The following VPS53 variants were observed in gnomAD, a reference collection of about 807,000 sequenced individuals.
VPS53 encodes the protein VPS53 subunit of GARP complex.
In VPS53, 70 loss-of-function variants were observed where a neutral mutation model predicts 107.0. The ratio of observed to expected loss-of-function variants is 0.65; its 90% confidence interval spans 0.54 to 0.80. The LOEUF (loss-of-function observed/expected upper bound fraction) is 0.80, where lower values mean the gene tolerates loss of function less well. Ranked by LOEUF, VPS53 falls within the 30% of genes least tolerant of loss-of-function variation. The pLI, the probability that VPS53 is intolerant of heterozygous loss-of-function variation, is 0.00. For missense variants in VPS53, 917 were observed against 1,049.4 expected, an observed-to-expected ratio of 0.87 and a Z score of 1.74; for synonymous variants, 409 against 393.3, an observed-to-expected ratio of 1.04 and a Z score of -0.47.
At chr17:641,628 T>C (rs1970426980) in intron 7 of VPS53, among the ~76,000 whole-genome samples, 1 of 152,182 alleles carries the variant, frequency 6.6e-6, no homozygotes, top group African/African-American at 2.4e-5. Context: ...CTAATTCTTG[T>C]ATTTTTTGTA....
In VPS53 at chr17:704,882, T is replaced by C. The variant is rs551393325; in HGVS notation, c.169-5502A>G. Among the ~76,000 whole-genome samples, 5 of 152,352 alleles carry C rather than the reference T, an allele frequency of 3.3e-5. No homozygotes were observed. In the East Asian group the frequency reaches 9.6e-4, roughly 29 times the overall value. On this transcript the variant is annotated intron_variant, in intron 2 of 21. Coordinates refer to ENST00000437048, the MANE Select transcript of VPS53 (RefSeq NM_001128159.3). ...TTGGTGAATCAGCAATTACTATCTT[T>C]ATCCTAGCTATTCCCAAATGTCTAT... is the stretch of plus-strand genomic sequence containing the variant.
intron 4 of VPS53, 74 bp downstream of exon 4, chr17:697,344 A>G (rs1973009653): frequency 3.2e-6 from 4 of 1,249,856 alleles, no homozygotes; most frequent in Middle Eastern, 3.7e-4. Context: ...AAGAGGGCAC[A>G]TCGACGTTTT....
intron 6 of VPS53, 72 bp from the exon 7 acceptor site, chr17:653,482 A>G: frequency 6.2e-7 from 1 of 1,600,502 alleles, no homozygotes; most frequent in South Asian, 1.1e-5. Context: ...AGAACAACCC[A>G]CGCTAGCTCT....
intron 17 of VPS53, among the ~76,000 whole-genome samples, chr17:543,421 T>C (rs1910862070): frequency 1.3e-5 from 2 of 152,144 alleles, no homozygotes; most frequent in South Asian, 4.1e-4. Context: ...TTTATTCAGT[T>C]TCTGTTTTTT....
At chr17:690,492 C>T (rs979481655) in intron 4 of VPS53, among the ~76,000 whole-genome samples, 12 of 152,332 alleles carry the variant, frequency 7.9e-5, no homozygotes, top group African/African-American at 2.6e-4. Context: ...TGCGTTCAGA[C>T]GTGACAACAG....
At position 516,295 on chromosome 17, in the gene VPS53, A is replaced by G. The variant is rs1009112065; in HGVS notation, c.*2833T>C. 2 of 152,138 alleles carry G rather than the reference A, an allele frequency of 1.3e-5. No homozygotes were observed. The highest frequency in any genetic ancestry group is 1.9e-4 in the East Asian group (1 of 5,192). 9.4% of individuals were successfully genotyped at this position (152,138 alleles called of 1,614,324 possible). A position where few individuals can be genotyped will look rare whatever the true frequency, so the allele number is the denominator to read the frequency against. Reference sequence around the variant, plus strand: ...GTTCTTAACAAGGTGTAAACGTTATAACTACCTATGGAACTTTTAAACCTG... The same window carrying G: ...GTTCTTAACAAGGTGTAAACGTTATGACTACCTATGGAACTTTTAAACCTG... On this transcript the variant is annotated 3_prime_UTR_variant, in exon 22 of 22. Transcript: ENST00000437048.
At chr17:697,380 A>T in intron 4 of VPS53, 38 bp downstream of exon 4, 1 of 1,568,826 alleles carries the variant, frequency 6.4e-7, no homozygotes, top group South Asian at 1.1e-5. Context: ...GGGAGAAACC[A>T]GGGGAGCATA....
chr17:714,441 T>C, intron 1 of VPS53, 182 bp downstream of exon 1: 2 of 604,072 alleles, frequency 3.3e-6, no homozygotes, highest in Non-Finnish European at 5.8e-6. Flanking sequence ...CTAGAAAGGG[T>C]TCTCTTTCCT....
At chr17:571,469 C>T (rs1027854320) in intron 13 of VPS53, among the ~76,000 whole-genome samples, 3 of 120,050 alleles carry the variant, frequency 2.5e-5, no homozygotes, top group African/African-American at 1.0e-4. Flanking sequence ...CAACAATGGG[C>T]TCTCCCTCTC....
intron 4 of VPS53, among the ~76,000 whole-genome samples, chr17:689,162 C>T (rs1241718307): frequency 1.3e-5 from 2 of 152,104 alleles, no homozygotes; most frequent in African/African-American, 4.8e-5. Context: ...ATTTTCCTCC[C>T]AAGAGAGGAT....
At chr17:521,204 A>G (rs1908724118) in intron 20 of VPS53, among the ~76,000 whole-genome samples, 1 of 152,250 alleles carries the variant, frequency 6.6e-6, no homozygotes, top group Admixed American at 6.5e-5. Flanking sequence ...ACATCTGTTC[A>G]GAGTTCATTT....
At position 518,196 on chromosome 17, in the gene VPS53, CA is replaced by C. The variant is rs1027173220; in HGVS notation, c.*931del. 7 of 150,256 alleles carry C rather than the reference CA, an allele frequency of 4.7e-5. No individual in the cohort carries two copies. The highest frequency in any genetic ancestry group is 1.7e-4 in the African/African-American group (7 of 41,232). 9.3% of individuals were successfully genotyped at this position (150,256 alleles called of 1,614,324 possible). On this transcript the variant is annotated 3_prime_UTR_variant, in exon 22 of 22. Transcript: ENST00000437048. ...CAGGGTTAACGGCTTGATATGCTGCCATTCTCTGGATGCAGGATGACATGAG... is the reference window on the plus strand; with the variant it reads ...CAGGGTTAACGGCTTGATATGCTGCCTTCTCTGGATGCAGGATGACATGAG...
intron 9 of VPS53, among the ~76,000 whole-genome samples, chr17:627,686 G>T (rs1285154408): frequency 6.6e-6 from 1 of 152,110 alleles, no homozygotes; most frequent in African/African-American, 2.4e-5. Flanking sequence ...GGAGGCAGGA[G>T]AATTGCTTGA....
chr17:636,208 C>T (rs1269911891), intron 7 of VPS53, among the ~76,000 whole-genome samples: 2 of 152,148 alleles, frequency 1.3e-5, no homozygotes, highest in East Asian at 3.9e-4. Context: ...CATGATTTGG[C>T]TCTCTGTTTG....
intron 12 of VPS53, among the ~76,000 whole-genome samples, chr17:589,496 G>T (rs909835707): frequency 2.0e-5 from 3 of 152,052 alleles, no homozygotes; most frequent in African/African-American, 7.2e-5. Flanking sequence ...CTAAAGGTCG[G>T]GGGGGAGTGG....
intron 11 of VPS53, among the ~76,000 whole-genome samples, chr17:608,865 G>A (rs1163852130): frequency 2.0e-5 from 3 of 151,542 alleles, no homozygotes; most frequent in Non-Finnish European, 2.9e-5. Context: ...TGCCCACCTC[G>A]GCCTCCCAAA....
intron 11 of VPS53, among the ~76,000 whole-genome samples, chr17:622,720 CTTTCT>C (rs1393843169): frequency 2.1e-5 from 3 of 143,142 alleles, no homozygotes; most frequent in Non-Finnish European, 3.1e-5. Flanking sequence ...ACTCCTTTCT[CTTTCT>C]TTTCTTTTTT....
At chr17:547,799 A>G (rs1311190946) in intron 17 of VPS53, among the ~76,000 whole-genome samples, 3 of 152,078 alleles carry the variant, frequency 2.0e-5, no homozygotes, top group South Asian at 2.1e-4. Flanking sequence ...CATCATGTCC[A>G]GCAAATTTTT....
chr17:605,980 TATA>T (rs1158566050), intron 11 of VPS53, among the ~76,000 whole-genome samples: 3 of 152,150 alleles, frequency 2.0e-5, no homozygotes, highest in African/African-American at 4.8e-5. Flanking sequence ...GGGAATGGAT[TATA>T]ATGACAGCAG....
Sources: gnomAD v4.1 joint callset for allele counts (sites outside exome capture counted in the v4.1 genomes callset) on GRCh38, gnomAD v4.1.1 for gene constraint, MANE v1.5 for transcripts, NCBI Gene and HGNC (gene_info 2026-07-23, HGNC 2026-07-21) for gene names.